The following KLHL7 variants were observed in gnomAD, a reference collection of about 807,000 sequenced individuals.
The protein encoded by KLHL7 is kelch like family member 7, also known as kelch-like protein 7.
Under a neutral mutation model 67.4 loss-of-function variants are expected in KLHL7, and 44 were observed. The ratio of observed to expected loss-of-function variants is 0.65; its 90% CI spans 0.51 to 0.84. The LOEUF is 0.84. Among genes scored for constraint, KLHL7 ranks in the 40% least tolerant of loss-of-function variants. The pLI, the probability that KLHL7 is intolerant of heterozygous loss-of-function variation, is 0.00. For missense variants in KLHL7, 362 were observed against 718.1 expected (o/e 0.50, Z 5.67); for synonymous variants, 252 against 243.3 (o/e 1.04, Z -0.33).
intron 4 of KLHL7, chr7:23,129,645 G>A (rs560405416): frequency 2.6e-4 from 46 of 174,470 alleles, no homozygotes; most frequent in African/African-American, 8.4e-4. Flanking sequence ...CCTCTCATTC[G>A]GCCTGAGAAT....
intron 6 of KLHL7, 147 bp from the exon 7 acceptor site, chr7:23,151,920 T>G: frequency 1.3e-6 from 1 of 744,866 alleles, no homozygotes; most frequent in South Asian, 1.5e-5. Context: ...TTCTCCTGCC[T>G]CTTCCCCCTC....
intron 4 of KLHL7, among the ~76,000 whole-genome samples, chr7:23,138,799 G>A (rs1030902944): frequency 1.8e-4 from 28 of 152,082 alleles, no homozygotes; most frequent in African/African-American, 6.3e-4. Flanking sequence ...GCCTCCCAAA[G>A]TGCTGGGATT....
At chr7:23,121,794 T>G (rs111851755) in intron 1 of KLHL7, among the ~76,000 whole-genome samples, 3,375 of 151,138 alleles carry the variant, frequency 0.022, 141 homozygotes, top group African/African-American at 0.077. Flanking sequence ...GCCGTTCTCC[T>G]GCCTCAGTCT....
At chr7:23,124,848 T>C (rs1236896989) in intron 3 of KLHL7, 67 bp downstream of exon 3, 10 of 1,199,350 alleles carry the variant, frequency 8.3e-6, no homozygotes, top group Non-Finnish European at 1.2e-5. Context: ...AGCATTGTCG[T>C]AACAAATAGT....
chr7:23,116,396 A>G (rs1465746831), intron 1 of KLHL7, among the ~76,000 whole-genome samples: 9 of 152,202 alleles, frequency 5.9e-5, no homozygotes, highest in East Asian at 3.9e-4. Context: ...CAGCGCAGAC[A>G]TGTTCCTTTC....
In KLHL7 at chr7:23,126,883, G is replaced by C. The variant is rs1783593920; in HGVS notation, c.442+1711G>C. ...ATACTGAAGGAATTTTTAAAAGGTA[G>C]CCATGGGTCTACATATTGAAAAGAT... On this transcript the variant is annotated intron_variant, in intron 4 of 10. Transcript: ENST00000339077. Among the ~76,000 whole-genome samples, 3 of 152,120 alleles carry C rather than the reference G, an allele frequency of 2.0e-5. No homozygotes were observed. The South Asian group carries it at 6.2e-4, about 32-fold the overall frequency.
chr7:23,152,543 G>A (rs1224997393), intron 7 of KLHL7, among the ~76,000 whole-genome samples: 1 of 151,746 alleles, frequency 6.6e-6, no homozygotes, highest in Admixed American at 6.6e-5. Context: ...TCTCTTTCTG[G>A]GCCAAATTTG....
At chr7:23,118,106 C>T in intron 1 of KLHL7, 1 of 982,974 alleles carries the variant, frequency 1.0e-6, no homozygotes, top group Non-Finnish European at 1.5e-6. Flanking sequence ...ATGGACCCAA[C>T]TGCCTTTTGT....
intron 7 of KLHL7, chr7:23,155,971 G>A (rs1463206284): frequency 4.6e-5 from 21 of 460,066 alleles, no homozygotes; most frequent in Admixed American, 2.5e-5. Context: ...TTCTTTCCTT[G>A]ATTTTTTTTT....
intron 1 of KLHL7, among the ~76,000 whole-genome samples, chr7:23,122,577 C>T (rs1436672866): frequency 6.6e-6 from 1 of 152,128 alleles, no homozygotes; most frequent in Admixed American, 6.5e-5. Flanking sequence ...TATAAACCTG[C>T]ATATAAGTTT....
chr7:23,153,715 T>C (rs1350299029), intron 7 of KLHL7, among the ~76,000 whole-genome samples: 1 of 152,246 alleles, frequency 6.6e-6, no homozygotes, highest in Non-Finnish European at 1.5e-5. Flanking sequence ...TGCAGCATCC[T>C]AATGCCCCAG....
At chr7:23,128,914 G>A (rs1439418456) in intron 4 of KLHL7, among the ~76,000 whole-genome samples, 3 of 152,138 alleles carry the variant, frequency 2.0e-5, no homozygotes, top group African/African-American at 7.2e-5. Context: ...GCATTTATCA[G>A]TACTTCATTT....
At chr7:23,158,093 T>G (rs1023962203) in intron 7 of KLHL7, among the ~76,000 whole-genome samples, 28 of 152,132 alleles carry the variant, frequency 1.8e-4, no homozygotes, top group African/African-American at 6.8e-4. Context: ...GCCTCTCTAG[T>G]AGTTGGGACT....
At chr7:23,140,518 C>T in intron 4 of KLHL7, 1 of 464,700 alleles carries the variant, frequency 2.2e-6, no homozygotes, top group South Asian at 2.0e-5. Flanking sequence ...GATCGCGCCA[C>T]TGCACTCCAG....
intron 5 of KLHL7, among the ~76,000 whole-genome samples, chr7:23,143,490 G>T (rs1257335586): frequency 6.6e-6 from 1 of 152,014 alleles, no homozygotes; most frequent in Non-Finnish European, 1.5e-5. Context: ...TGTTTTCCTG[G>T]TACTAAACTA....
intron 7 of KLHL7, among the ~76,000 whole-genome samples, chr7:23,155,667 ACAAAAC>A (rs747751608): frequency 2.7e-4 from 39 of 146,736 alleles, no homozygotes; most frequent in East Asian, 8.0e-4. Flanking sequence ...AACCAAAAAA[ACAAAAC>A]AAAACAAAAC....
At chr7:23,109,559 A>C (rs574884593) in intron 1 of KLHL7, among the ~76,000 whole-genome samples, 1 of 152,368 alleles carries the variant, frequency 6.6e-6, no homozygotes, top group African/African-American at 2.4e-5. Context: ...ATTGAGAGTT[A>C]TGTGAGAGAA....
chr7:23,170,225 A>G (rs1235218228), intron 9 of KLHL7, among the ~76,000 whole-genome samples: 4 of 152,246 alleles, frequency 2.6e-5, no homozygotes, highest in Non-Finnish European at 5.9e-5. Flanking sequence ...AAAAACAAAA[A>G]CAAAAATAAA....
chr7:23,172,048 T>C (rs564536425), intron 9 of KLHL7: 1 of 422,820 alleles, frequency 2.4e-6, no homozygotes, highest in East Asian at 7.2e-5. Flanking sequence ...TAAACAATAA[T>C]TATAGAGAGT....
Sources: allele counts gnomAD v4.1 joint callset (sites outside exome capture counted in the v4.1 genomes callset), GRCh38; gene constraint gnomAD v4.1.1; transcripts MANE v1.5; gene names NCBI Gene and HGNC (gene_info 2026-07-23, HGNC 2026-07-21).